The following SYT9 variants were observed in gnomAD, a reference collection of about 807,000 sequenced individuals.
SYT9 encodes synaptotagmin 9.
A neutral mutation model predicts 48.4 loss-of-function variants in SYT9; 22 were observed. The observed-to-expected ratio is 0.45, with a 90% confidence interval of 0.32 to 0.65. The LOEUF (loss-of-function observed/expected upper bound fraction) is 0.65. Ranked by LOEUF, SYT9 falls within the 30% of genes least tolerant of loss-of-function variation. SYT9 has a pLI of 0.03. For missense variants in SYT9, 577 were observed against 622.0 expected, an observed-to-expected ratio of 0.93 and a Z score of 0.77; for synonymous variants, 265 against 245.0, an observed-to-expected ratio of 1.08 and a Z score of -0.76.
intron 6 of SYT9, among the ~76,000 whole-genome samples, chr11:7,443,181 G>A (rs1564905929): frequency 6.6e-6 from 1 of 152,206 alleles, no homozygotes; most frequent in Non-Finnish European, 1.5e-5. Flanking sequence ...CCCTTTGGAA[G>A]TGGAGTTGGA....
At chr11:7,356,136 C>T (rs1030830004) in intron 3 of SYT9, among the ~76,000 whole-genome samples, 16 of 152,100 alleles carry the variant, frequency 1.1e-4, no homozygotes, top group African/African-American at 3.6e-4. Context: ...TGAGCCTGTC[C>T]AGGAGCTGAG....
Position 7,276,622 on chromosome 11 carries a change from T to C in SYT9, c.145+24291T>C, listed in dbSNP as rs534308303. Reference sequence around the variant, plus strand: ...CTTAAGCTGTCCCCTCAGCCTAAAATGATTGTCTTTCCCCTCTGCCTTCCC... The same window carrying C: ...CTTAAGCTGTCCCCTCAGCCTAAAACGATTGTCTTTCCCCTCTGCCTTCCC... On this transcript the variant is annotated intron_variant, in intron 1 of 6. Transcript: ENST00000318881. Among the ~76,000 whole-genome samples the C allele has an allele frequency of 2.0e-4, 30 of 152,328 alleles. No individual in the cohort carries two copies. In the South Asian group the frequency reaches 3.1e-3, roughly 16 times the overall value.
At chr11:7,408,666 T>C (rs896870097) in intron 3 of SYT9, among the ~76,000 whole-genome samples, 1 of 152,218 alleles carries the variant, frequency 6.6e-6, no homozygotes, top group African/African-American at 2.4e-5. Context: ...GCTACTGATT[T>C]TTGTATGTTG....
At chr11:7,267,108 G>A (rs529888429) in intron 1 of SYT9, among the ~76,000 whole-genome samples, 1 of 152,074 alleles carries the variant, frequency 6.6e-6, no homozygotes, top group African/African-American at 2.4e-5. Flanking sequence ...ACAATAAACT[G>A]TAAAGACTTA....
intron 1 of SYT9, among the ~76,000 whole-genome samples, chr11:7,244,516 C>T (rs1221405018): frequency 6.6e-6 from 1 of 152,176 alleles, no homozygotes; most frequent in Non-Finnish European, 1.5e-5. Flanking sequence ...GTGCTAGTCT[C>T]TTGGTCCAGA....
In SYT9 at chr11:7,306,720, T is replaced by C. The variant is rs979461394; in HGVS notation, c.497+3330T>C. ...TTCTCAGAAAGTTCTCCCCGGCCAC[T>C]CCATCTGAAGTCTGTGTTCTGTCCC... is the stretch of plus-strand genomic sequence containing the variant. On this transcript the variant is annotated intron_variant, in intron 2 of 6. Coordinates refer to ENST00000318881, the MANE Select transcript of SYT9 (RefSeq NM_175733.4). 2.0e-5 allele frequency among the ~76,000 whole-genome samples: 3 copies of C among 152,172 alleles called. No homozygotes were observed. The South Asian group carries it at 6.2e-4, about 32-fold the overall frequency.
intron 2 of SYT9, among the ~76,000 whole-genome samples, chr11:7,312,144 A>G (rs77463655): frequency 0.052 from 7,979 of 152,256 alleles, 415 homozygotes; most frequent in African/African-American, 0.13. Flanking sequence ...TTGTCATACC[A>G]GGTGGGTGAT....
In SYT9 at chr11:7,332,149, C is replaced by T. The variant is rs528143592; in HGVS notation, c.1044+18208C>T. On this transcript the variant is annotated intron_variant, in intron 3 of 6. Coordinates refer to ENST00000318881, the MANE Select transcript of SYT9 (RefSeq NM_175733.4). ...GAGGCAGGTGGGTGAAGGGAGAGAG[C>T]GAGGCAAAGGTGTATCAGCTAAAGC... Among the ~76,000 whole-genome samples the T allele has an allele frequency of 5.7e-4, 87 of 152,146 alleles. 1 individual carries two copies. Among genetic ancestry groups the T allele is most frequent in the Non-Finnish European group, 4.4e-5 (3 of 67,974 alleles).
intron 1 of SYT9, among the ~76,000 whole-genome samples, chr11:7,256,154 G>A (rs1847965328): frequency 6.6e-6 from 1 of 152,204 alleles, no homozygotes; most frequent in Admixed American, 6.5e-5. Flanking sequence ...ATCATGTAAT[G>A]ACTAGGTCTT....
intron 6 of SYT9, among the ~76,000 whole-genome samples, chr11:7,447,448 G>A (rs1242848589): frequency 6.6e-6 from 1 of 152,194 alleles, no homozygotes; most frequent in Non-Finnish European, 1.5e-5. Context: ...GCTCTGTGGT[G>A]CCACTTTGCT....
intron 1 of SYT9, among the ~76,000 whole-genome samples, chr11:7,265,532 C>A (rs772735080): frequency 6.6e-6 from 1 of 152,160 alleles, no homozygotes; most frequent in Non-Finnish European, 1.5e-5. Context: ...CATGCACTTA[C>A]GGCCTTCGTG....
At chr11:7,242,841 T>G (rs1847753347) in intron 1 of SYT9, among the ~76,000 whole-genome samples, 1 of 151,758 alleles carries the variant, frequency 6.6e-6, no homozygotes. Context: ...AGGTCAGGAG[T>G]TCAAGAGCAC....
chr11:7,402,817 C>T (rs867290841), intron 3 of SYT9, among the ~76,000 whole-genome samples: 1 of 152,088 alleles, frequency 6.6e-6, no homozygotes, highest in Non-Finnish European at 1.5e-5. Context: ...ATTAAGTATA[C>T]ACATTGAATG....
At chr11:7,278,654 A>G (rs969211396) in intron 1 of SYT9, among the ~76,000 whole-genome samples, 6 of 152,226 alleles carry the variant, frequency 3.9e-5, no homozygotes, top group Non-Finnish European at 7.3e-5. Flanking sequence ...GTTGTGTTCT[A>G]TAATACGGAG....
chr11:7,351,508 C>G (rs1006269952), intron 3 of SYT9, among the ~76,000 whole-genome samples: 1 of 152,168 alleles, frequency 6.6e-6, no homozygotes, highest in African/African-American at 2.4e-5. Context: ...ACTGCTCATT[C>G]CCTGCCCAGA....
chr11:7,416,111 A>T lies in SYT9; in HGVS notation c.1114A>T (p.Thr372Ser). 1 of 1,614,150 alleles carries T rather than the reference A, an allele frequency of 6.2e-7. No individual in the cohort carries two copies. The highest frequency in any genetic ancestry group is 8.5e-7 in the Non-Finnish European group (1 of 1,180,014). Residue 372 changes from threonine (T) to serine (S), a missense_variant, in exon 4 of 7, where the codon ACC (threonine) becomes TCC (serine). Coordinates refer to ENST00000318881, the MANE Select transcript of SYT9 (RefSeq NM_175733.4). ...TCCAACGGCTGGCAGGCTGACCATT[A>T]CCATTATAAAAGCAAGGAATTTAAA... ...YLPTAGRLTITIIKARNLKAM... is the reference protein window; with the variant it reads ...YLPTAGRLTISIIKARNLKAM...
At chr11:7,240,364 C>T (rs1224989283) in intron 1 of SYT9, among the ~76,000 whole-genome samples, 1 of 152,102 alleles carries the variant, frequency 6.6e-6, no homozygotes, top group Non-Finnish European at 1.5e-5. Flanking sequence ...TGAGCCTAAC[C>T]ACCGCTAGAT....
At chr11:7,284,652 T>A (rs1848564050) in intron 1 of SYT9, among the ~76,000 whole-genome samples, 1 of 152,224 alleles carries the variant, frequency 6.6e-6, no homozygotes, top group East Asian at 1.9e-4. Context: ...TTCATAGCAG[T>A]GTGTCTGGGT....
chr11:7,285,905 C>T (rs1367378968), intron 1 of SYT9, among the ~76,000 whole-genome samples: 1 of 152,260 alleles, frequency 6.6e-6, no homozygotes, highest in Non-Finnish European at 1.5e-5. Context: ...CATGCTGATG[C>T]AAGAGGTGGA....
Sources: gnomAD v4.1 joint callset for allele counts (sites outside exome capture counted in the v4.1 genomes callset) on GRCh38, gnomAD v4.1.1 for gene constraint, MANE v1.5 for transcripts, NCBI Gene and HGNC (gene_info 2026-07-23, HGNC 2026-07-21) for gene names.